Variants in MYH9 observed in about 807,000 individuals in gnomAD.
MYH9 encodes the protein myosin-9.
A neutral mutation model predicts 241.9 loss-of-function variants in MYH9; 29 were observed. The observed-to-expected ratio is 0.12, with a 90% CI of 0.09 to 0.16. MYH9 has a LOEUF of 0.16. MYH9 is among the 10% of genes least tolerant of loss of function. The probability of loss-of-function intolerance (pLI) is 1.00; values close to 1 mark genes in which losing one functional copy is unlikely to be tolerated. For missense variants in MYH9, 1,803 were observed against 2,595.5 expected, an observed-to-expected ratio of 0.69 and a Z score of 6.63; for synonymous variants, 1,047 against 1,062.6, an observed-to-expected ratio of 0.99 and a Z score of 0.29.
rs1053112536 is a variant in MYH9, at chr22:36,329,282, C to T, written c.491-1794G>A. ...TCCCCCTTGCCTTTCTCAAAAAACA[C>T]GAGTCCTTCAAGCCTGCACAGCGAG... is the stretch of plus-strand genomic sequence containing the variant. On this transcript the variant is annotated intron_variant, in intron 3 of 40. Coordinates refer to ENST00000216181, the MANE Select transcript of MYH9 (RefSeq NM_002473.6). The surrounding 1 kb of genome is among the most constrained non-coding windows in gnomAD (Gnocchi z 4.1). 6.6e-6 allele frequency among the ~76,000 whole-genome samples: 1 copy of T among 151,880 alleles called. No individual in the cohort carries two copies. Among genetic ancestry groups the T allele is most frequent in the African/African-American group, 2.4e-5 (1 of 41,348 alleles).
chr22:36,386,672 C>T (rs902574551), intron 1 of MYH9, among the ~76,000 whole-genome samples: 2 of 152,216 alleles, frequency 1.3e-5, no homozygotes, highest in African/African-American at 4.8e-5. Context: ...GGAGTCTTCT[C>T]TCCACACCGG....
At position 36,301,685 on chromosome 22, in the gene MYH9, T is replaced by C; in HGVS notation, c.2500-20A>G. On this transcript the variant is annotated intron_variant, in intron 20 of 40. Transcript: ENST00000216181. ...CTTGACCTGGGAGAGGAGATAGAGGTAGAGACATGCTCGGCTGGAAGATGC... is the reference window on the plus strand; with the variant it reads ...CTTGACCTGGGAGAGGAGATAGAGGCAGAGACATGCTCGGCTGGAAGATGC... 1 of 1,611,746 alleles carries C rather than the reference T, an allele frequency of 6.2e-7. No homozygotes were observed. Among genetic ancestry groups the C allele is most frequent in the South Asian group, 1.1e-5 (1 of 91,070 alleles).
chr22:36,299,742 C>G (rs2016844691), intron 23 of MYH9, among the ~76,000 whole-genome samples: 1 of 152,240 alleles, frequency 6.6e-6, no homozygotes, highest in Non-Finnish European at 1.5e-5. Flanking sequence ...AGAGGAATAG[C>G]TGCCGCCCAG....
chr22:36,286,160 A>AGTGCTAGGAATCAAGCCAG, intron 35 of MYH9: 2 of 625,524 alleles, frequency 3.2e-6, no homozygotes. Context: ...CTTACATTTA[A>AGTGCTAGGAATCAAGCCAG]GTGCTAGGAA....
intron 1 of MYH9, among the ~76,000 whole-genome samples, chr22:36,379,130 G>C (rs1200890591): frequency 1.3e-5 from 2 of 152,168 alleles, no homozygotes; most frequent in Non-Finnish European, 2.9e-5. Context: ...CAAGAAGAAA[G>C]GCTCTTCTTT....
At chr22:36,301,274 T>C (rs1298597826) in intron 21 of MYH9, among the ~76,000 whole-genome samples, 1 of 152,180 alleles carries the variant, frequency 6.6e-6, no homozygotes, top group African/African-American at 2.4e-5. Flanking sequence ...TCCCAGGAAA[T>C]GGGCTCAAGT....
chr22:36,318,789 G>A (rs546104899), intron 10 of MYH9, among the ~76,000 whole-genome samples: 5 of 151,510 alleles, frequency 3.3e-5, no homozygotes, highest in African/African-American at 7.3e-5. Flanking sequence ...TTGAGACGGC[G>A]TCTTGCTCTT....
rs758825898 is a variant in MYH9, at chr22:36,285,275, C to G, written c.5329G>C (p.Glu1777Gln). 1 of 1,613,786 alleles carries G rather than the reference C, an allele frequency of 6.2e-7. No homozygotes were observed. Among genetic ancestry groups the G allele is most frequent in the Non-Finnish European group, 8.5e-7 (1 of 1,180,040 alleles). ...NLERSHAQKN[E>Q]NARQQLERQN... Reference sequence around the variant, plus strand: ...CGTTCCAGCTGCTGCCGAGCATTCTCGTTCTTCTGGGCGTGGCTGCGCTCC... The same window carrying G: ...CGTTCCAGCTGCTGCCGAGCATTCTGGTTCTTCTGGGCGTGGCTGCGCTCC... The change falls in exon 38 of 41, where the codon GAG becomes CAG. Residue 1777 changes from glutamate to glutamine, a missense_variant. Transcript: ENST00000216181. This position sits in a 1 kb window ranked among gnomAD's most constrained non-coding sequence, Gnocchi z 7.0.
Position 36,284,448 on chromosome 22 carries a change from C to T in MYH9, c.5547G>A (p.Leu1849=), listed in dbSNP as rs1197598517. 6.2e-7 allele frequency: 1 copy of T among 1,613,618 alleles called. No homozygotes were observed. Among genetic ancestry groups the T allele is most frequent in the Admixed American group, 1.7e-5 (1 of 60,034 alleles). The change falls in exon 39 of 41, where the codon CTG becomes CTA. Residue 1849 remains leucine (L), a synonymous_variant. Transcript: ENST00000216181. ...CGTTCCTCCGCTCGTCATCCACCTG[C>T]AGCAGCACATCCTTCAGCTTCTTCT... ...RTEKKLKDVL[L]QVDDERRNAE... is the part of the protein sequence containing the mutation.
chr22:36,299,215 TC>T, intron 23 of MYH9, among the ~76,000 whole-genome samples, 173 bp from the exon 24 acceptor site: 1 of 152,214 alleles, frequency 6.6e-6, no homozygotes, highest in South Asian at 2.1e-4. Context: ...GGTCACGAGC[TC>T]CCCTGAAACA....
At chr22:36,313,161 T>G (rs1432990176) in intron 13 of MYH9, among the ~76,000 whole-genome samples, 2 of 144,912 alleles carry the variant, frequency 1.4e-5, no homozygotes, top group Non-Finnish European at 3.0e-5. Flanking sequence ...TTAACCATAA[T>G]CAAAAGAAAA....
rs144296200 is a variant in MYH9 at position 36,321,840 on chromosome 22, C to T, written c.706-19G>A. The T allele has an allele frequency of 3.6e-4, 582 of 1,610,996 alleles. 1 individual carries two copies. Among genetic ancestry groups the T allele is most frequent in the Middle Eastern group, 3.3e-4 (2 of 6,084 alleles). Reference sequence around the variant, plus strand: ...ATTTGCCCTAAGTAAGAAAGGATAGCAAGAGATCAGAGGTGCCCCTGACAT... The same window carrying T: ...ATTTGCCCTAAGTAAGAAAGGATAGTAAGAGATCAGAGGTGCCCCTGACAT... On this transcript the variant is annotated intron_variant, in intron 6 of 40. Coordinates refer to ENST00000216181, the MANE Select transcript of MYH9 (RefSeq NM_002473.6).
At chr22:36,321,724 C>A in intron 7 of MYH9, 34 bp downstream of exon 7, 1 of 1,597,342 alleles carries the variant, frequency 6.3e-7, no homozygotes, top group South Asian at 1.1e-5. Context: ...CCCTCCGGAT[C>A]CAGGACTCTT....
In MYH9 at chr22:36,293,346, C is replaced by A. The variant is rs569649580; in HGVS notation, c.4078G>T (p.Ala1360Ser). Residue 1360 changes from alanine to serine, a missense_variant, in exon 30 of 41, where the codon GCC becomes TCC. Ala to Ser is a moderately conservative substitution (Grantham distance 99, BLOSUM62 1). Around this residue, in one of 11 missense-constraint regions of MYH9, gnomAD observed 876 missense variants for 1,077.8 expected, o/e 0.81. Coordinates refer to ENST00000216181, the MANE Select transcript of MYH9 (RefSeq NM_002473.6). The surrounding 1 kb of genome is among the most constrained non-coding windows in gnomAD (Gnocchi z 5.1). Reference protein sequence around the residue: ...EAKHNLEKQIATLHAQVADMK... With the variant: ...EAKHNLEKQISTLHAQVADMK... Reference sequence around the variant, plus strand: ...CTCCAAACCTGGGCATGGAGGGTGGCGATCTGCTTCTCCAGGTTGTGCTTG... The same window carrying A: ...CTCCAAACCTGGGCATGGAGGGTGGAGATCTGCTTCTCCAGGTTGTGCTTG... 6.2e-7 allele frequency: 1 copy of A among 1,614,044 alleles called. No individual in the cohort carries two copies.
At chr22:36,350,515 C>A (rs372017503) in intron 1 of MYH9, among the ~76,000 whole-genome samples, 4 of 152,064 alleles carry the variant, frequency 2.6e-5, no homozygotes, top group African/African-American at 4.8e-5. Flanking sequence ...CCAGCCTGGG[C>A]AACAAGAGCA....
At chr22:36,315,758 TAACA>T (rs1569535742) in intron 12 of MYH9, among the ~76,000 whole-genome samples, 8 of 132,592 alleles carry the variant, frequency 6.0e-5, no homozygotes, top group African/African-American at 1.9e-4. Flanking sequence ...AAAAAAAAAA[TAACA>T]AACAAACAAA....
intron 1 of MYH9, among the ~76,000 whole-genome samples, chr22:36,353,117 G>GTTCGTGTGTGTGTATA (rs201831643): frequency 8.5e-6 from 1 of 117,338 alleles, no homozygotes; most frequent in African/African-American, 3.5e-5. Flanking sequence ...GTGTGTGTGT[G>GTTCGTGTGTGTGTATA]TGTGTGTGTG....
intron 2 of MYH9, among the ~76,000 whole-genome samples, chr22:36,347,801 C>CAA (rs36028454): frequency 1.3e-4 from 6 of 47,058 alleles, no homozygotes; most frequent in African/African-American, 2.8e-4. Context: ...GACCCTGTCT[C>CAA]AAAAAAAAAA....
intron 9 of MYH9, 101 bp from the exon 10 acceptor site, chr22:36,319,736 A>C (rs1469983206): frequency 6.8e-6 from 8 of 1,177,360 alleles, no homozygotes; most frequent in Non-Finnish European, 9.9e-6. Context: ...AGACAAGCCA[A>C]GCAGGGACAC....
Sources: gnomAD v4.1 joint callset for allele counts (sites outside exome capture counted in the v4.1 genomes callset) on GRCh38, gnomAD v4.1.1 for gene constraint, gnomAD v4.1.1 regional missense constraint, Gnocchi (gnomAD v3.1) non-coding constraint, MANE v1.5 for transcripts, NCBI Gene and HGNC (gene_info 2026-07-23, HGNC 2026-07-21) for gene names.